The following PLCB4 variants were observed in gnomAD, a reference collection of about 807,000 sequenced individuals.
PLCB4 encodes 1-phosphatidylinositol 4,5-bisphosphate phosphodiesterase beta-4.
Under a neutral mutation model 178.8 loss-of-function variants are expected in PLCB4, and 77 were observed. The observed-to-expected ratio is 0.43, with a 90% CI of 0.36 to 0.52. PLCB4 has a LOEUF of 0.52. Ranked by LOEUF, PLCB4 falls within the 20% of genes least tolerant of loss-of-function variation. The pLI, the probability that PLCB4 is intolerant of heterozygous loss-of-function variation, is 0.00. For synonymous variants in PLCB4, 496 were observed against 490.8 expected (o/e 1.01, Z -0.14); for missense variants, 1,024 against 1,453.4 (o/e 0.70, Z 4.80).
At chr20:9,100,683 T>C (rs577457667) in intron 2 of PLCB4, among the ~76,000 whole-genome samples, 10 of 152,338 alleles carry the variant, frequency 6.6e-5, no homozygotes, top group Admixed American at 2.6e-4. Context: ...CACCATGTAA[T>C]CAAAACTGTT....
At chr20:9,454,202 C>T (rs1174682541) in intron 33 of PLCB4, among the ~76,000 whole-genome samples, 2 of 152,144 alleles carry the variant, frequency 1.3e-5, no homozygotes, top group Non-Finnish European at 2.9e-5. Flanking sequence ...GGCAAGCACA[C>T]CATGGAAACA....
At chr20:9,308,351 A>T (rs1345430466) in intron 4 of PLCB4, among the ~76,000 whole-genome samples, 3 of 152,168 alleles carry the variant, frequency 2.0e-5, no homozygotes, top group African/African-American at 7.2e-5. Context: ...AAAGCTTTGC[A>T]TGCCTCTGAT....
intron 1 of PLCB4, among the ~76,000 whole-genome samples, chr20:9,071,991 T>C (rs915491747): frequency 1.3e-5 from 2 of 152,214 alleles, no homozygotes; most frequent in Non-Finnish European, 2.9e-5. Context: ...GGTCAAGGAC[T>C]AATGGAGATG....
chr20:9,230,506 G>A (rs1424653572), intron 3 of PLCB4, among the ~76,000 whole-genome samples: 1 of 152,112 alleles, frequency 6.6e-6, no homozygotes, highest in African/African-American at 2.4e-5. Flanking sequence ...GGATTTCCCT[G>A]ACTGACCAGT....
At chr20:9,440,155 A>G (rs1035133417) in intron 30 of PLCB4, among the ~76,000 whole-genome samples, 1 of 152,234 alleles carries the variant, frequency 6.6e-6, no homozygotes, top group African/African-American at 2.4e-5. Context: ...TCCTTGACTT[A>G]TGACAGAGTT....
chr20:9,396,485 C>T (rs997647256), intron 19 of PLCB4, among the ~76,000 whole-genome samples: 9 of 152,176 alleles, frequency 5.9e-5, no homozygotes, highest in African/African-American at 2.2e-4. Context: ...TGTGCTATTA[C>T]CTTCTCTTTT....
At chr20:9,473,872 T>C (rs1373749175) in intron 38 of PLCB4, among the ~76,000 whole-genome samples, 1 of 152,178 alleles carries the variant, frequency 6.6e-6, no homozygotes, top group Non-Finnish European at 1.5e-5. Flanking sequence ...ACCATAGTCT[T>C]GGTCTTTTTC....
chr20:9,253,406 TC>T (rs2094201433), intron 3 of PLCB4, among the ~76,000 whole-genome samples: 2 of 152,210 alleles, frequency 1.3e-5, no homozygotes, highest in African/African-American at 4.8e-5. Context: ...AAGGTAGGGC[TC>T]CTGCTCTGTG....
intron 21 of PLCB4, 64 bp downstream of exon 21, chr20:9,405,412 G>A (rs2039364481): frequency 2.1e-6 from 2 of 950,548 alleles, no homozygotes; most frequent in East Asian, 5.5e-5. Flanking sequence ...ATCTTCAAAG[G>A]AAGGAATCAG....
At chr20:9,446,058 G>A (rs1362902190) in intron 32 of PLCB4, among the ~76,000 whole-genome samples, 1 of 152,192 alleles carries the variant, frequency 6.6e-6, no homozygotes, top group African/African-American at 2.4e-5. Context: ...AGCAATAATA[G>A]CAGCTAGAAT....
intron 30 of PLCB4, among the ~76,000 whole-genome samples, chr20:9,442,580 A>C (rs2042174711): frequency 6.6e-6 from 1 of 152,212 alleles, no homozygotes; most frequent in African/African-American, 2.4e-5. Flanking sequence ...GGTCAAACTC[A>C]GAATTTGCTA....
chr20:9,470,031 G>A, intron 36 of PLCB4, among the ~76,000 whole-genome samples: 1 of 152,098 alleles, frequency 6.6e-6, no homozygotes, highest in East Asian at 1.9e-4. Flanking sequence ...GTCCAACAGA[G>A]AAAAGCTGTT....
intron 34 of PLCB4, among the ~76,000 whole-genome samples, chr20:9,459,047 A>G (rs2043225864): frequency 6.6e-6 from 1 of 152,244 alleles, no homozygotes; most frequent in Non-Finnish European, 1.5e-5. Flanking sequence ...TAAGGCCCAC[A>G]CAAATCAGAG....
At chr20:9,386,267 GGGGAGA>G (rs756487307) in intron 14 of PLCB4, among the ~76,000 whole-genome samples, 4 of 151,982 alleles carry the variant, frequency 2.6e-5, no homozygotes, top group Non-Finnish European at 4.4e-5. Context: ...GGAGGGGGAG[GGGGAGA>G]GGGAGAGGGA....
At chr20:9,310,554 TA>T (rs143256734) in intron 4 of PLCB4, among the ~76,000 whole-genome samples, 10 of 150,316 alleles carry the variant, frequency 6.7e-5, no homozygotes, top group East Asian at 2.0e-4. Flanking sequence ...ACTAAAAATA[TA>T]AAAAAAAATA....
intron 3 of PLCB4, among the ~76,000 whole-genome samples, chr20:9,270,943 CACAG>C (rs2094396839): frequency 6.6e-6 from 1 of 152,116 alleles, no homozygotes; most frequent in African/African-American, 2.4e-5. Context: ...TGGCCTTATT[CACAG>C]ACAGCCTTTC....
chr20:9,178,867 G>A (rs965156826), intron 2 of PLCB4, among the ~76,000 whole-genome samples: 1 of 151,888 alleles, frequency 6.6e-6, no homozygotes, highest in African/African-American at 2.4e-5. Context: ...TAGAAAAAAG[G>A]CATTATAAAA....
rs377673065 is a variant in PLCB4, at chr20:9,337,265, C to T, written c.165+59C>T. 4.7e-4 allele frequency: 571 copies of T among 1,204,806 alleles called. 3 individuals carry two copies. The highest frequency in any genetic ancestry group is 1.8e-3 in the South Asian group (145 of 82,824). 74.6% of individuals were successfully genotyped at this position (1,204,806 alleles called of 1,614,324 possible). On this transcript the variant is annotated intron_variant, in intron 5 of 39. Coordinates refer to ENST00000378473, the MANE Select transcript of PLCB4 (RefSeq NM_001377142.1). ...CTTTGTGGTTTAAGCCATTTTGTTT[C>T]TCAACAAGTAGACTGAGTGCTGTTG...
At chr20:9,359,789 G>A (rs939713236) in intron 7 of PLCB4, among the ~76,000 whole-genome samples, 4 of 152,122 alleles carry the variant, frequency 2.6e-5, no homozygotes, top group Non-Finnish European at 5.9e-5. Context: ...TCCAATTCGT[G>A]GTTTATTGCT....
Sources: allele counts gnomAD v4.1 joint callset (sites outside exome capture counted in the v4.1 genomes callset), GRCh38; gene constraint gnomAD v4.1.1; transcripts MANE v1.5; gene names NCBI Gene and HGNC (gene_info 2026-07-23, HGNC 2026-07-21).